The following ENTREP2 variants were observed in gnomAD, a reference collection of about 807,000 sequenced individuals.
ENTREP2 encodes protein ENTREP2.
At chr15:29,496,579 G>A in the ENTREP2 span, among the ~76,000 whole-genome samples, 2 of 151,726 alleles carry the variant, frequency 1.3e-5, no homozygotes, top group African/African-American at 4.8e-5. Context: ...ATTGTGTTGA[G>A]GCATATTATT....
the ENTREP2 span, among the ~76,000 whole-genome samples, chr15:29,276,867 C>G: frequency 2.6e-5 from 4 of 152,302 alleles, 1 homozygote; most frequent in East Asian, 7.7e-4. Context: ...GACTTTGGAG[C>G]TAGGGAAGGT....
At chr15:29,156,617 C>G in the ENTREP2 span, among the ~76,000 whole-genome samples, 1 of 152,020 alleles carries the variant, frequency 6.6e-6, no homozygotes, top group African/African-American at 2.4e-5. Context: ...GAGGCGGTAC[C>G]GGAGAGGAGT....
At chr15:29,534,025 C>T in the ENTREP2 span, among the ~76,000 whole-genome samples, 123 of 135,644 alleles carry the variant, frequency 9.1e-4, no homozygotes, top group African/African-American at 3.1e-3. Flanking sequence ...CCTATAGAAA[C>T]GATATGTGAC....
At chr15:29,566,895 C>T in the ENTREP2 span, among the ~76,000 whole-genome samples, 1 of 132,622 alleles carries the variant, frequency 7.5e-6, no homozygotes, top group Admixed American at 7.8e-5. Flanking sequence ...CTTCCAATGG[C>T]TACGTCTTTA....
At chr15:29,156,702 C>T in the ENTREP2 span, among the ~76,000 whole-genome samples, 1 of 152,078 alleles carries the variant, frequency 6.6e-6, no homozygotes, top group Non-Finnish European at 1.5e-5. Context: ...AAGGGCGTGG[C>T]TGTTTACTGG....
At chr15:29,550,377 G>A in the ENTREP2 span, among the ~76,000 whole-genome samples, 1 of 152,126 alleles carries the variant, frequency 6.6e-6, no homozygotes, top group African/African-American at 2.4e-5. Context: ...GGTCCTCTAG[G>A]AACTCACTCA....
the ENTREP2 span, among the ~76,000 whole-genome samples, chr15:29,647,880 C>T: frequency 6.6e-6 from 1 of 152,012 alleles, no homozygotes; most frequent in Admixed American, 6.6e-5. Context: ...ACCTCTCCAC[C>T]AACAGGCACA....
At chr15:29,547,156 C>T in the ENTREP2 span, among the ~76,000 whole-genome samples, 5 of 149,728 alleles carry the variant, frequency 3.3e-5, no homozygotes, top group African/African-American at 9.8e-5. Context: ...GGCGCAATTT[C>T]GGCTCACTAC....
the ENTREP2 span, among the ~76,000 whole-genome samples, chr15:29,335,033 C>T: frequency 9.2e-5 from 14 of 152,292 alleles, no homozygotes; most frequent in African/African-American, 3.4e-4. Context: ...AACCAAGATC[C>T]CAAACGTATG....
chr15:29,129,961 G>A, the ENTREP2 span, among the ~76,000 whole-genome samples: 1 of 152,210 alleles, frequency 6.6e-6, no homozygotes, highest in Non-Finnish European at 1.5e-5. Flanking sequence ...AGACTGGGAA[G>A]GTGAGGGGGG....
At chr15:29,510,462 C>T in the ENTREP2 span, among the ~76,000 whole-genome samples, 28 of 152,170 alleles carry the variant, frequency 1.8e-4, no homozygotes, top group African/African-American at 6.3e-4. Flanking sequence ...ATGTTTATTG[C>T]AGCACTATTC....
At chr15:29,277,255 T>C in the ENTREP2 span, among the ~76,000 whole-genome samples, 1 of 151,442 alleles carries the variant, frequency 6.6e-6, no homozygotes, top group East Asian at 1.9e-4. Flanking sequence ...GAGGCAGGAA[T>C]CGCTTGAACC....
chr15:29,421,680 T>C, the ENTREP2 span, among the ~76,000 whole-genome samples: 6 of 152,222 alleles, frequency 3.9e-5, no homozygotes, highest in East Asian at 1.9e-4. Flanking sequence ...TACGTAACAC[T>C]AGCATCTATA....
At chr15:29,433,778 T>TGG in the ENTREP2 span, among the ~76,000 whole-genome samples, 2 of 11,308 alleles carry the variant, frequency 1.8e-4, no homozygotes, top group Non-Finnish European at 1.8e-4. Flanking sequence ...GACTCCTCCA[T>TGG]GGGAAAAAAA....
At chr15:29,350,869 G>A in the ENTREP2 span, among the ~76,000 whole-genome samples, 1 of 152,148 alleles carries the variant, frequency 6.6e-6, no homozygotes, top group Non-Finnish European at 1.5e-5. Flanking sequence ...CTTGACCCAG[G>A]AGGCAGAGGC....
chr15:29,132,493 C>A, the ENTREP2 span, among the ~76,000 whole-genome samples: 1 of 152,166 alleles, frequency 6.6e-6, no homozygotes, highest in Non-Finnish European at 1.5e-5. Flanking sequence ...TGTGCCCCTG[C>A]CAGCACTGGG....
the ENTREP2 span, among the ~76,000 whole-genome samples, chr15:29,508,291 T>C: frequency 1.3e-5 from 2 of 152,138 alleles, no homozygotes; most frequent in South Asian, 2.1e-4. Flanking sequence ...CAGGACCAGA[T>C]GGATTTACAG....
the ENTREP2 span, among the ~76,000 whole-genome samples, chr15:29,329,725 C>T: frequency 1.3e-5 from 2 of 152,156 alleles, no homozygotes; most frequent in African/African-American, 2.4e-5. Flanking sequence ...AATTAATAAC[C>T]TCACAATGAT....
chr15:29,161,469 T>C, the ENTREP2 span, among the ~76,000 whole-genome samples: 1 of 152,190 alleles, frequency 6.6e-6, no homozygotes, highest in Admixed American at 6.5e-5. Context: ...AGGAATCTCA[T>C]GTCTTTTTGC....
Sources: gnomAD v4.1 joint callset for allele counts (sites outside exome capture counted in the v4.1 genomes callset) on GRCh38, gnomAD v4.1.1 for gene constraint, MANE v1.5 for transcripts, NCBI Gene and HGNC (gene_info 2026-07-23, HGNC 2026-07-21) for gene names.